Variants in NAALADL2 observed in about 807,000 individuals in gnomAD.
NAALADL2 encodes inactive N-acetylated-alpha-linked acidic dipeptidase-like protein 2.
In NAALADL2, 76 loss-of-function variants were observed where a neutral mutation model predicts 87.2. That is an observed-to-expected ratio of 0.87 (90% CI 0.72 to 1.05). NAALADL2 has a LOEUF of 1.05. Ranked by LOEUF, NAALADL2 falls within the 50% of genes least tolerant of loss-of-function variation. NAALADL2 has a pLI of 0.00. For missense variants in NAALADL2, 1,089 were observed against 945.8 expected (o/e 1.15, Z -1.99); for synonymous variants, 354 against 331.0 (o/e 1.07, Z -0.75).
intron 2 of NAALADL2, among the ~76,000 whole-genome samples, chr3:174,612,719 GT>G (rs1251796256): frequency 2.6e-5 from 4 of 151,948 alleles, no homozygotes; most frequent in Non-Finnish European, 5.9e-5. Flanking sequence ...AATTCTTTGA[GT>G]TTCTTCAAAA....
At chr3:174,788,059 C>T (rs111396204) in intron 3 of NAALADL2, among the ~76,000 whole-genome samples, 14 of 152,148 alleles carry the variant, frequency 9.2e-5, no homozygotes, top group African/African-American at 3.1e-4. Context: ...GATAAATATC[C>T]TTGATGTTCT....
chr3:175,304,769 T>C (rs537093948), intron 4 of NAALADL2, among the ~76,000 whole-genome samples: 12 of 152,330 alleles, frequency 7.9e-5, no homozygotes, highest in African/African-American at 2.9e-4. Flanking sequence ...TTTGTTCCAT[T>C]CTTAATGCTG....
intron 13 of NAALADL2, among the ~76,000 whole-genome samples, chr3:175,802,513 G>A (rs1272049442): frequency 6.8e-6 from 1 of 147,872 alleles, no homozygotes; most frequent in African/African-American, 2.7e-5. Flanking sequence ...TAGTGAGAGG[G>A]CAACATTGAG....
In NAALADL2 at chr3:175,652,479, CT is replaced by C. The variant is rs771774912; in HGVS notation, c.1896+25110del. Among the ~76,000 whole-genome samples, 511 of 132,370 alleles carry C rather than the reference CT, an allele frequency of 3.9e-3. 2 individuals are homozygous for C. Among genetic ancestry groups the C allele is most frequent in the South Asian group, 7.4e-3 (31 of 4,200 alleles). The allele number at this position is 132,370 out of a possible 152,430, so 86.8% of individuals were successfully genotyped here. ...TAGGACTGTTTATTTTCTTTTCTTT[CT>C]TTTTTTTTTTTTTTTTGAGATGGAG... On this transcript the variant is annotated intron_variant, in intron 11 of 13. Coordinates refer to ENST00000454872, the MANE Select transcript of NAALADL2 (RefSeq NM_207015.3).
chr3:175,685,914 C>A (rs942298264), intron 11 of NAALADL2, among the ~76,000 whole-genome samples: 1 of 152,174 alleles, frequency 6.6e-6, no homozygotes, highest in African/African-American at 2.4e-5. Flanking sequence ...TTAAAATTAA[C>A]GTCAAAGCAC....
At chr3:175,092,955 T>TA (rs1366439839) in intron 1 of NAALADL2, among the ~76,000 whole-genome samples, 1 of 151,872 alleles carries the variant, frequency 6.6e-6, no homozygotes, top group Non-Finnish European at 1.5e-5. Flanking sequence ...GTAAGGGTGT[T>TA]ACAGATATTT....
At chr3:175,552,241 T>C (rs1384228843) in intron 9 of NAALADL2, among the ~76,000 whole-genome samples, 2 of 152,076 alleles carry the variant, frequency 1.3e-5, no homozygotes, top group Admixed American at 6.5e-5. Context: ...GGGAATACAA[T>C]GAGATAAAAT....
intron 9 of NAALADL2, among the ~76,000 whole-genome samples, chr3:175,490,868 G>T (rs1164082931): frequency 1.3e-5 from 2 of 152,010 alleles, no homozygotes; most frequent in Non-Finnish European, 2.9e-5. Context: ...AAATAGCTGG[G>T]TTAATTATTA....
chr3:174,610,010 T>C (rs1028995262), intron 2 of NAALADL2, among the ~76,000 whole-genome samples: 5 of 152,060 alleles, frequency 3.3e-5, no homozygotes, highest in South Asian at 2.1e-4. Context: ...AATAATGCCG[T>C]ATATCTACAA....
intron 4 of NAALADL2, among the ~76,000 whole-genome samples, chr3:175,322,762 G>C (rs1760080929): frequency 6.7e-6 from 1 of 148,368 alleles, no homozygotes; most frequent in Non-Finnish European, 1.5e-5. Context: ...AGCCATCAGA[G>C]AAATGCAAAT....
At chr3:174,951,767 G>T (rs1740395628) in intron 1 of NAALADL2, among the ~76,000 whole-genome samples, 1 of 151,984 alleles carries the variant, frequency 6.6e-6, no homozygotes, top group Non-Finnish European at 1.5e-5. Context: ...ACAAATACTT[G>T]CTGGTTAAAT....
intron 9 of NAALADL2, among the ~76,000 whole-genome samples, chr3:175,523,039 T>G (rs1182891814): frequency 6.6e-6 from 1 of 152,188 alleles, no homozygotes; most frequent in African/African-American, 2.4e-5. Context: ...TACATGTACA[T>G]TTTTGGTCTA....
intron 1 of NAALADL2, among the ~76,000 whole-genome samples, chr3:174,903,967 A>ATCTATATCTATT (rs1308855250): frequency 1.6e-4 from 23 of 147,726 alleles, no homozygotes; most frequent in Non-Finnish European, 2.5e-4. Flanking sequence ...CTATATCTAT[A>ATCTATATCTATT]TCTATATCTA....
At chr3:175,775,220 A>G (rs555858871) in intron 13 of NAALADL2, 1 of 152,058 alleles carries the variant, frequency 6.6e-6, no homozygotes, top group African/African-American at 2.4e-5. Flanking sequence ...TAAATATGGG[A>G]GTCCATAGGA....
rs372117345 is a variant in NAALADL2, at chr3:175,506,131, A to G, written c.1653+34373A>G. On this transcript the variant is annotated intron_variant, in intron 9 of 13. Transcript: ENST00000454872. ...GCGGTAGCACTTAAAGATTCCTTTA[A>G]CACAGGTATTTCATTGCTTTTTGCT... Among the ~76,000 whole-genome samples the G allele has an allele frequency of 7.2e-5, 11 of 152,336 alleles. No individual in the cohort carries two copies. The East Asian group carries it at 1.7e-3, about 24-fold the overall frequency.
At chr3:175,044,319 A>G (rs1754427932) in intron 1 of NAALADL2, among the ~76,000 whole-genome samples, 2 of 152,298 alleles carry the variant, frequency 1.3e-5, no homozygotes, top group South Asian at 4.1e-4. Context: ...AATGTTAGAA[A>G]TGAGAAGAAT....
intron 11 of NAALADL2, among the ~76,000 whole-genome samples, chr3:175,662,583 G>A (rs76550661): frequency 0.012 from 1,896 of 151,946 alleles, 33 homozygotes; most frequent in African/African-American, 0.044. Flanking sequence ...TAATGAAAAG[G>A]CTTTCATTTT....
At chr3:174,649,494 T>G (rs1724143064) in intron 2 of NAALADL2, among the ~76,000 whole-genome samples, 1 of 152,138 alleles carries the variant, frequency 6.6e-6, no homozygotes, top group Admixed American at 6.6e-5. Context: ...ATTTTTGCTC[T>G]TCATTTTCAA....
At chr3:174,669,762 A>G (rs889901506) in intron 2 of NAALADL2, among the ~76,000 whole-genome samples, 1 of 151,514 alleles carries the variant, frequency 6.6e-6, no homozygotes, top group Non-Finnish European at 1.5e-5. Context: ...TTTTTTTTCT[A>G]TTTTTGCAAA....
Sources: allele counts gnomAD v4.1 joint callset (sites outside exome capture counted in the v4.1 genomes callset), GRCh38; gene constraint gnomAD v4.1.1; transcripts MANE v1.5; gene names NCBI Gene and HGNC (gene_info 2026-07-23, HGNC 2026-07-21).